Variants in MRPS9 observed in about 807,000 individuals in gnomAD.
The protein encoded by MRPS9 is mitochondrial ribosomal protein S9.
MRPS9 carries 45 observed loss-of-function variants against 59.9 expected under a neutral mutation model. The ratio of observed to expected loss-of-function variants is 0.75; its 90% CI spans 0.59 to 0.96. The LOEUF is 0.96. MRPS9 is among the 40% of genes least tolerant of loss of function. MRPS9 has a pLI of 0.00. For synonymous variants in MRPS9, 171 were observed against 166.8 expected, an observed-to-expected ratio of 1.03 and a Z score of -0.19; for missense variants, 473 against 481.1, an observed-to-expected ratio of 0.98 and a Z score of 0.16.
chr2:105,062,489 G>A (rs111590073), intron 2 of MRPS9, among the ~76,000 whole-genome samples: 2,695 of 152,280 alleles, frequency 0.018, 81 homozygotes, highest in African/African-American at 0.062. Flanking sequence ...AGGAATGGCC[G>A]TTATTACCAG....
Position 105,092,589 on chromosome 2 carries a change from A to C in MRPS9, c.820+20A>C. 1 of 1,481,456 alleles carries C rather than the reference A, an allele frequency of 6.8e-7. No individual in the cohort carries two copies. Among genetic ancestry groups the C allele is most frequent in the Non-Finnish European group, 9.0e-7 (1 of 1,109,716 alleles). 91.8% of individuals were successfully genotyped at this position (1,481,456 alleles called of 1,614,324 possible). ...GTGAAGGTAATGACATTCTGTGGAGAGAAAATAAATTCAGTGAAGGTTGAA... is the reference window on the plus strand; with the variant it reads ...GTGAAGGTAATGACATTCTGTGGAGCGAAAATAAATTCAGTGAAGGTTGAA... On this transcript the variant is annotated intron_variant, in intron 8 of 10. Transcript: ENST00000258455.
intron 2 of MRPS9, among the ~76,000 whole-genome samples, chr2:105,063,106 C>G (rs1679935713): frequency 1.3e-5 from 2 of 152,084 alleles, no homozygotes; most frequent in Admixed American, 6.5e-5. Flanking sequence ...CTTCTTTTAT[C>G]TGAATAAAAC....
intron 1 of MRPS9, among the ~76,000 whole-genome samples, chr2:105,041,999 A>G (rs1403765372): frequency 6.6e-6 from 1 of 152,242 alleles, no homozygotes; most frequent in Admixed American, 6.5e-5. Flanking sequence ...AAACAAGATA[A>G]CTAAACTTTC....
intron 4 of MRPS9, 144 bp from the exon 5 acceptor site, chr2:105,079,835 CTAAA>C (rs747475544): frequency 2.2e-6 from 1 of 457,598 alleles, no homozygotes; most frequent in Non-Finnish European, 3.9e-6. Context: ...ATATGCTAAA[CTAAA>C]TATTAAAATT....
At chr2:105,045,329 GA>G (rs556612890) in intron 1 of MRPS9, among the ~76,000 whole-genome samples, 23 of 146,014 alleles carry the variant, frequency 1.6e-4, no homozygotes, top group Non-Finnish European at 2.9e-4. Context: ...AAAAAAAAAA[GA>G]AAACCCAATT....
intron 1 of MRPS9, 61 bp downstream of exon 1, chr2:105,038,288 C>T: frequency 6.4e-7 from 1 of 1,567,300 alleles, no homozygotes; most frequent in Non-Finnish European, 8.7e-7. Flanking sequence ...GGAGCCAGCG[C>T]GGACACCTTC....
intron 4 of MRPS9, among the ~76,000 whole-genome samples, chr2:105,079,395 T>C (rs947858490): frequency 8.5e-5 from 13 of 152,182 alleles, no homozygotes; most frequent in African/African-American, 2.9e-4. Flanking sequence ...GTTTGCTTGG[T>C]GGTGGTTAGT....
At position 105,097,213 on chromosome 2, in the gene MRPS9, T is replaced by C; in HGVS notation, c.988T>C (p.Cys330Arg). ...CCGGCTGGGAAAGCACGACGTGACC[T>C]GCACAGTCTCAGGGGGCGGGAGGTC... ...VDRLGKHDVT[C>R]TVSGGGRSAQ... The change falls in exon 10 of 11, where the codon TGC becomes CGC. Residue 330 changes from cysteine (C) to arginine (R), a missense_variant. Cys to Arg is a radical substitution (Grantham distance 180). Transcript: ENST00000258455. 1.2e-6 allele frequency: 2 copies of C among 1,611,052 alleles called. No homozygotes were observed. The highest frequency in any genetic ancestry group is 1.7e-6 in the Non-Finnish European group (2 of 1,178,778).
intron 2 of MRPS9, among the ~76,000 whole-genome samples, chr2:105,057,694 A>G (rs1679820193): frequency 6.6e-6 from 1 of 152,180 alleles, no homozygotes; most frequent in Non-Finnish European, 1.5e-5. Flanking sequence ...GAAGTTTCTT[A>G]ATCCTGTCAT....
At chr2:105,073,992 TAAAG>T (rs1005434951) in intron 4 of MRPS9, among the ~76,000 whole-genome samples, 3 of 152,180 alleles carry the variant, frequency 2.0e-5, no homozygotes, top group Admixed American at 6.5e-5. Flanking sequence ...TAATTGGACA[TAAAG>T]AAAACCTAAC....
chr2:105,073,740 T>C (rs1680158070), intron 4 of MRPS9, among the ~76,000 whole-genome samples: 1 of 151,784 alleles, frequency 6.6e-6, no homozygotes, highest in Non-Finnish European at 1.5e-5. Context: ...ATTCAAGGAG[T>C]GTGAGGAATA....
chr2:105,060,167 C>A (rs1019427675), intron 2 of MRPS9, among the ~76,000 whole-genome samples: 4 of 152,094 alleles, frequency 2.6e-5, no homozygotes, highest in Non-Finnish European at 5.9e-5. Flanking sequence ...CCTATTACCC[C>A]AACCATTTTT....
At chr2:105,062,630 G>A (rs1485921444) in intron 2 of MRPS9, among the ~76,000 whole-genome samples, 1 of 152,168 alleles carries the variant, frequency 6.6e-6, no homozygotes, top group Non-Finnish European at 1.5e-5. Context: ...ACCATTTAAT[G>A]AAGTTTAAAA....
chr2:105,077,105 C>T lies in MRPS9; in HGVS notation c.410-2878C>T, dbSNP rs374806460. ...CTACTAAAAATACAAAATAGCCGGG[C>T]GTGGTGGCGCACGCCTGTAGTCCCA... On this transcript the variant is annotated intron_variant, in intron 4 of 10. Transcript: ENST00000258455. Among the ~76,000 whole-genome samples, 58 of 151,954 alleles carry T rather than the reference C, an allele frequency of 3.8e-4. No individual in the cohort carries two copies. The South Asian group carries it at 0.012, about 31-fold the overall frequency.
chr2:105,038,288 CG>C, intron 1 of MRPS9, 61 bp downstream of exon 1: 1 of 1,567,300 alleles, frequency 6.4e-7, no homozygotes, highest in Non-Finnish European at 8.7e-7. Context: ...GGAGCCAGCG[CG>C]GACACCTTCC....
At chr2:105,078,141 C>CCTTTTTTTTT (rs1680250577) in intron 4 of MRPS9, among the ~76,000 whole-genome samples, 1 of 127,118 alleles carries the variant, frequency 7.9e-6, no homozygotes, top group African/African-American at 3.0e-5. Context: ...AATTCTAAGA[C>CCTTTTTTTTT]TTTTTTTTTT....
intron 2 of MRPS9, among the ~76,000 whole-genome samples, chr2:105,063,896 T>A (rs1005137556): frequency 1.3e-5 from 2 of 152,264 alleles, no homozygotes; most frequent in Admixed American, 1.3e-4. Flanking sequence ...GACAAGGTCC[T>A]TTGCCTTCAA....
chr2:105,062,429 A>C (rs1452622168), intron 2 of MRPS9, among the ~76,000 whole-genome samples: 1 of 152,204 alleles, frequency 6.6e-6, no homozygotes, highest in Non-Finnish European at 1.5e-5. Flanking sequence ...TCATAGATCT[A>C]AGTACTGAAA....
intron 2 of MRPS9, among the ~76,000 whole-genome samples, chr2:105,063,996 T>C (rs1679951743): frequency 6.6e-6 from 1 of 152,232 alleles, no homozygotes; most frequent in South Asian, 2.1e-4. Context: ...CAAAATAAGT[T>C]ATTTGAGGAA....
Sources: allele counts gnomAD v4.1 joint callset (sites outside exome capture counted in the v4.1 genomes callset), GRCh38; gene constraint gnomAD v4.1.1; transcripts MANE v1.5; gene names NCBI Gene and HGNC (gene_info 2026-07-23, HGNC 2026-07-21).